The following SF3A2 variants were observed in gnomAD, a reference collection of about 807,000 sequenced individuals.
SF3A2 encodes SAP 62.
SF3A2 carries 5 observed loss-of-function variants against 31.1 expected under a neutral mutation model. The ratio of observed to expected loss-of-function variants is 0.16; its 90% confidence interval spans 0.08 to 0.34. SF3A2 has a LOEUF of 0.34. Among genes scored for constraint, SF3A2 ranks in the 10% least tolerant of loss-of-function variants. The probability of loss-of-function intolerance (pLI) is 1.00; values close to 1 mark genes in which losing one functional copy is unlikely to be tolerated. For synonymous variants in SF3A2, 365 were observed against 263.7 expected (o/e 1.38, Z -3.72); for missense variants, 577 against 643.9 (o/e 0.90, Z 1.13).
At chr19:2,244,872 G>C (rs2024919142) in intron 4 of SF3A2, 93 bp downstream of exon 4, 1 of 1,268,478 alleles carries the variant, frequency 7.9e-7, no homozygotes, top group Non-Finnish European at 1.1e-6. Context: ...CACAGCCGGG[G>C]AGCCAGCCTG....
At chr19:2,244,901 G>A (rs545168189) in intron 4 of SF3A2, 122 bp downstream of exon 4, 13 of 870,852 alleles carry the variant, frequency 1.5e-5, no homozygotes, top group South Asian at 9.1e-5. Context: ...CTCCCTGGGC[G>A]CTTGAGTACG....
intron 1 of SF3A2, among the ~76,000 whole-genome samples, chr19:2,243,022 C>T (rs144751982): frequency 6.6e-6 from 1 of 152,278 alleles, no homozygotes; most frequent in Non-Finnish European, 1.5e-5. Flanking sequence ...GGTGGTGACT[C>T]GTTTGTGAGA....
At chr19:2,237,153 C>T (rs1416132672) in intron 1 of SF3A2, 1 of 152,210 alleles carries the variant, frequency 6.6e-6, no homozygotes, top group Non-Finnish European at 1.5e-5. Context: ...CGCGGGGCCT[C>T]ACGCCTGTAA....
At position 2,243,455 on chromosome 19, in the gene SF3A2, A is replaced by T; in HGVS notation, c.37A>T (p.Ser13Cys). 1 of 1,554,026 alleles carries T rather than the reference A, an allele frequency of 6.4e-7. No homozygotes were observed. Among genetic ancestry groups the T allele is most frequent in the Non-Finnish European group, 8.6e-7 (1 of 1,156,768 alleles). ...FQHRPGGKTG[S>C]GGVASSSESN... ...GCATCGCCCCGGGGGCAAGACCGGG[A>T]GCGGGGGCGTGGCCTCCTCCTCCGA... The change falls in exon 2 of 9, where the codon AGC (serine) becomes TGC (cysteine). Residue 13 changes from serine (S) to cysteine (C), a missense_variant. By Grantham distance (112) the Ser-to-Cys change is moderately radical. Coordinates refer to ENST00000221494, the MANE Select transcript of SF3A2 (RefSeq NM_007165.5).
At chr19:2,238,577 T>C (rs953466347) in intron 1 of SF3A2, among the ~76,000 whole-genome samples, 1 of 152,204 alleles carries the variant, frequency 6.6e-6, no homozygotes, top group Non-Finnish European at 1.5e-5. Context: ...TGCAAAATAT[T>C]GTTGGCTGCT....
intron 1 of SF3A2, among the ~76,000 whole-genome samples, chr19:2,242,045 C>T (rs2159032): frequency 6.6e-6 from 1 of 152,148 alleles, no homozygotes; most frequent in Non-Finnish European, 1.5e-5. Context: ...TCAGGCCCCA[C>T]CACAAGTCAG....
chr19:2,247,855 C>G lies in SF3A2; in HGVS notation c.704C>G (p.Pro235Arg). The G allele has an allele frequency of 6.5e-7, 1 of 1,534,326 alleles. No homozygotes were observed. ...AGPPGVKRPPPPLMNGLPPRP... is the reference protein window; with the variant it reads ...AGPPGVKRPPRPLMNGLPPRP... The stretch of plus-strand genomic sequence containing the variant: ...CCCCCTGGGGTGAAGCGGCCTCCAC[C>G]CCCGCTGATGAACGGTCTGCCCCCT... Residue 235 changes from proline to arginine, a missense_variant, in exon 9 of 9, where the codon CCC becomes CGC. Physicochemically the swap from Pro to Arg is moderately radical, Grantham distance 103 (BLOSUM62 -2). Coordinates refer to ENST00000221494, the MANE Select transcript of SF3A2 (RefSeq NM_007165.5).
chr19:2,239,623 T>A (rs533014847), intron 1 of SF3A2, among the ~76,000 whole-genome samples: 27 of 152,270 alleles, frequency 1.8e-4, no homozygotes, highest in African/African-American at 6.3e-4. Context: ...AGTCCTGGGT[T>A]TTGTTTTTGT....
At position 2,248,152 on chromosome 19, in the gene SF3A2, C is replaced by CCGGAG. The variant is rs770849853; in HGVS notation, c.1001_1002insCGGAG (p.His337GlufsTer111). 7.9e-5 allele frequency: 116 copies of CCGGAG among 1,473,114 alleles called. No homozygotes were observed. Among genetic ancestry groups the CCGGAG allele is most frequent in the Admixed American group, 1.5e-4 (8 of 51,990 alleles). 91.3% of individuals were successfully genotyped at this position (1,473,114 alleles called of 1,614,324 possible). On this transcript the variant is annotated frameshift_variant, in exon 9 of 9. Transcript: ENST00000221494. LOFTEE classifies it low-confidence loss of function (END_TRUNC). The stretch of plus-strand genomic sequence containing the variant: ...ACCTCTGGGGTCCACCCCCCAGCTC[C>CCGGAG]TGGAGTCCACCCTCCAGCCCCCGGG...
rs1366393115 is a variant in SF3A2 at position 2,245,161 on chromosome 19, G to C, written c.246-285G>C. On this transcript the variant is annotated intron_variant, in intron 4 of 8. Coordinates refer to ENST00000221494, the MANE Select transcript of SF3A2 (RefSeq NM_007165.5). The surrounding 1 kb of genome is among the most constrained non-coding windows in gnomAD (Gnocchi z 4.2). ...GTGCTGCCACTGTACTCCATCCTGG[G>C]CGACAGAGTGAGACTCTTGTCTTAT... The C allele has an allele frequency of 1.2e-5, 6 of 496,404 alleles. No individual in the cohort carries two copies. Among genetic ancestry groups the C allele is most frequent in the Non-Finnish European group, 1.8e-5 (5 of 280,710 alleles). 30.7% of individuals were successfully genotyped at this position (496,404 alleles called of 1,614,324 possible).
At position 2,248,045 on chromosome 19, in the gene SF3A2, A is replaced by C. The variant is rs1417895631; in HGVS notation, c.894A>C (p.Ala298=). Residue 298 remains alanine (A), a synonymous_variant, in exon 9 of 9, where the codon GCA becomes GCC. Coordinates refer to ENST00000221494, the MANE Select transcript of SF3A2 (RefSeq NM_007165.5). ...HPPAPVVHPP[A]SGVHPPAPGV... ...CGGCCCCAGTGGTGCATCCCCCTGC[A>C]TCTGGGGTCCATCCCCCAGCTCCTG... is the stretch of plus-strand genomic sequence containing the variant. 1 of 824,510 alleles carries C rather than the reference A, an allele frequency of 1.2e-6. No individual in the cohort carries two copies. Among genetic ancestry groups the C allele is most frequent in the Non-Finnish European group, 1.8e-6 (1 of 546,612 alleles). 51.1% of individuals were successfully genotyped at this position (824,510 alleles called of 1,614,324 possible).
rs1413774693 is a variant in SF3A2, at chr19:2,237,429, ATT to A, written c.-38+529_-38+530del. The A allele has an allele frequency of 2.8e-5, 4 of 145,366 alleles. No individual in the cohort carries two copies. The East Asian group carries it at 6.1e-4, about 22-fold the overall frequency. The allele number at this position is 145,366 out of a possible 1,614,324, so 9.0% of individuals were successfully genotyped here. On this transcript the variant is annotated intron_variant, in intron 1 of 8. Transcript: ENST00000221494. The stretch of plus-strand genomic sequence containing the variant: ...CACTGCAAAAAAAAAAAAAAAAAAA[ATT>A]AGCCGGGCGTGGTTGGTGACGCGCG...
At chr19:2,244,665 A>G (rs377114818) in intron 3 of SF3A2, 50 bp downstream of exon 3, 7 of 1,611,090 alleles carry the variant, frequency 4.3e-6, no homozygotes, top group Non-Finnish European at 5.9e-6. Context: ...TGAGTGGCTG[A>G]CGTCAGGGGG....
rs1024878758 is a variant in SF3A2, at chr19:2,246,297, A to G, written c.356-456A>G. The stretch of plus-strand genomic sequence containing the variant: ...GCCGCATGGAGAGTGGCCGGGCGGC[A>G]GGCAGCCCAGCAGCCATTCTCGGGG... On this transcript the variant is annotated intron_variant, in intron 5 of 8. Coordinates refer to ENST00000221494, the MANE Select transcript of SF3A2 (RefSeq NM_007165.5). The surrounding 1 kb of genome is among the most constrained non-coding windows in gnomAD (Gnocchi z 5.5). Among the ~76,000 whole-genome samples, 4 of 151,924 alleles carry G rather than the reference A, an allele frequency of 2.6e-5. No homozygotes were observed. The highest frequency in any genetic ancestry group is 5.9e-5 in the Non-Finnish European group (4 of 67,950).
Position 2,246,654 on chromosome 19 carries a change from G to C in SF3A2, c.356-99G>C, listed in dbSNP as rs1308852720. 1 of 1,415,092 alleles carries C rather than the reference G, an allele frequency of 7.1e-7. No individual in the cohort carries two copies. Among genetic ancestry groups the C allele is most frequent in the African/African-American group, 1.4e-5 (1 of 70,128 alleles). 87.7% of individuals were successfully genotyped at this position (1,415,092 alleles called of 1,614,324 possible). A position where few individuals can be genotyped will look rare whatever the true frequency, so the allele number is the denominator to read the frequency against. On this transcript the variant is annotated intron_variant, in intron 5 of 8. Coordinates refer to ENST00000221494, the MANE Select transcript of SF3A2 (RefSeq NM_007165.5). The surrounding 1 kb of genome is among the most constrained non-coding windows in gnomAD (Gnocchi z 5.5). ...TGCCAGAGCTGCAGGGCCTCCCCCG[G>C]GGTCCCGCTCTCGTTCAGTGGGTGG...
intron 1 of SF3A2, among the ~76,000 whole-genome samples, chr19:2,240,117 C>T (rs545112043): frequency 6.6e-6 from 1 of 152,304 alleles, no homozygotes; most frequent in Admixed American, 6.5e-5. Context: ...TGTGGGGACC[C>T]TGAATGTCAG....
At chr19:2,237,667 C>T (rs1372694252) in intron 1 of SF3A2, 1 of 152,166 alleles carries the variant, frequency 6.6e-6, no homozygotes, top group East Asian at 1.9e-4. Context: ...TCCTTGTAGC[C>T]GAGAACGCTT....
chr19:2,244,440 G>T (rs1210589293), intron 2 of SF3A2, 104 bp from the exon 3 acceptor site: 2 of 858,496 alleles, frequency 2.3e-6, no homozygotes, highest in Non-Finnish European at 1.9e-6. Flanking sequence ...CAGAAGGGGG[G>T]TTCTGCCTCC....
chr19:2,246,700 C>T lies in SF3A2; in HGVS notation c.356-53C>T, dbSNP rs1008728416. The T allele has an allele frequency of 2.5e-6, 4 of 1,611,192 alleles. No individual in the cohort carries two copies. Among genetic ancestry groups the T allele is most frequent in the African/African-American group, 1.3e-5 (1 of 74,942 alleles). ...GGTGGCATTAGCCTGCCCCAGGTTC[C>T]TCAGCTTCGGAGAGGACAAGCAGCC... is the stretch of plus-strand genomic sequence containing the variant. On this transcript the variant is annotated intron_variant, in intron 5 of 8. Coordinates refer to ENST00000221494, the MANE Select transcript of SF3A2 (RefSeq NM_007165.5). The surrounding 1 kb of genome is among the most constrained non-coding windows in gnomAD (Gnocchi z 5.5).
Sources: gnomAD v4.1 joint callset for allele counts (sites outside exome capture counted in the v4.1 genomes callset) on GRCh38, gnomAD v4.1.1 for gene constraint, Gnocchi (gnomAD v3.1) non-coding constraint, MANE v1.5 for transcripts, NCBI Gene and HGNC (gene_info 2026-07-23, HGNC 2026-07-21) for gene names.